TEX51: variants seen among roughly 807,000 people sequenced by gnomAD.
TEX51 encodes testis expressed 51.
In TEX51, 14 loss-of-function variants were observed where a neutral mutation model predicts 8.0. The observed-to-expected ratio is 1.76, with a 90% CI of 1.16 to 2.75. The LOEUF (loss-of-function observed/expected upper bound fraction) is 2.75, where lower values mean the gene tolerates loss of function less well. Ranked by LOEUF, TEX51 falls within the 30% of genes most tolerant of loss-of-function variation. TEX51 has a pLI of 0.00. For synonymous variants in TEX51, 58 were observed against 28.6 expected (o/e 2.03, Z -3.29); for missense variants, 142 against 77.4 (o/e 1.83, Z -3.13).
At chr2:126,900,874 C>G (rs1335097974) in intron 4 of TEX51, among the ~76,000 whole-genome samples, 1 of 152,206 alleles carries the variant, frequency 6.6e-6, no homozygotes, top group African/African-American at 2.4e-5. Context: ...GCCGGGGACA[C>G]AGCCTTGCCC....
intron 3 of TEX51, 65 bp from the exon 4 acceptor site, chr2:126,899,871 C>T: frequency 1.4e-6 from 1 of 702,244 alleles, no homozygotes; most frequent in Non-Finnish European, 2.6e-6. Context: ...TGCATGGGGA[C>T]TGGGCCTGGG....
At chr2:126,901,443 C>T in intron 6 of TEX51, 39 bp downstream of exon 6, 3 of 701,882 alleles carry the variant, frequency 4.3e-6, no homozygotes, top group Admixed American at 2.0e-5. Flanking sequence ...TCTAGGGCTC[C>T]CAGAGGGAAA....
rs1680174234 is a variant in TEX51, at chr2:126,899,071, C to T, written c.145+8C>T. 1.4e-6 allele frequency: 1 copy of T among 702,168 alleles called. No individual in the cohort carries two copies. The highest frequency in any genetic ancestry group is 2.0e-5 in the Admixed American group (1 of 49,990). The allele number at this position is 702,168 out of a possible 1,614,324, so 43.5% of individuals were successfully genotyped here. A position where few individuals can be genotyped will look rare whatever the true frequency, so the allele number is the denominator to read the frequency against. On this transcript the variant is annotated splice_region_variant and intron_variant, in intron 1 of 6. Transcript: ENST00000568484. The stretch of plus-strand genomic sequence containing the variant: ...CCACAGAACTTTCTCAAAGTATTCA[C>T]TCCTTGTTCCTAGAGGATAATAATT...
intron 5 of TEX51, 22 bp downstream of exon 5, chr2:126,901,300 G>A (rs1441493932): frequency 4.3e-6 from 3 of 700,924 alleles, no homozygotes; most frequent in African/African-American, 1.7e-5. Context: ...ACCTCTCCAA[G>A]CCCCAGCATC....
chr2:126,900,678 C>A (rs572091515), intron 4 of TEX51, among the ~76,000 whole-genome samples: 2 of 152,282 alleles, frequency 1.3e-5, no homozygotes, highest in East Asian at 3.9e-4. Flanking sequence ...CCTGTCCCTC[C>A]AGGCCACATC....
At position 126,900,457 on chromosome 2, in the gene TEX51, C is replaced by A. The variant is rs554104896; in HGVS notation, c.394+438C>A. ...AAAATGCCCAATCCCATCAAACCCC[C>A]AAACCTGTTCTTCCTCCAGGGCCGT... On this transcript the variant is annotated intron_variant, in intron 4 of 6. Coordinates refer to ENST00000568484, the MANE Select transcript of TEX51 (RefSeq NM_001322244.2). 1.5e-4 allele frequency among the ~76,000 whole-genome samples: 23 copies of A among 151,960 alleles called. No homozygotes were observed. The South Asian group carries it at 4.4e-3, about 29-fold the overall frequency.
chr2:126,900,384 A>T (rs1363332240), intron 4 of TEX51, among the ~76,000 whole-genome samples: 2 of 148,950 alleles, frequency 1.3e-5, no homozygotes, highest in African/African-American at 5.0e-5. Flanking sequence ...ACAGAGCAAG[A>T]CTCTGTTTCA....
chr2:126,899,153 G>A, intron 1 of TEX51, 64 bp from the exon 2 acceptor site: 1 of 702,090 alleles, frequency 1.4e-6, no homozygotes, highest in South Asian at 1.5e-5. Context: ...ATTGGATGTG[G>A]CCTCTTTACC....
chr2:126,900,515 C>T (rs1407417920), intron 4 of TEX51, among the ~76,000 whole-genome samples: 1 of 152,144 alleles, frequency 6.6e-6, no homozygotes, highest in Non-Finnish European at 1.5e-5. Context: ...AGCCCTCAGT[C>T]TCCTAAACCA....
At chr2:126,901,118 G>A (rs10167924) in intron 4 of TEX51, 92 bp from the exon 5 acceptor site, 30,506 of 596,582 alleles carry the variant, frequency 0.051, 1,198 homozygotes, top group African/African-American at 0.13. Flanking sequence ...ATGAGTGAAC[G>A]AATCAAAGAA....
At chr2:126,900,902 T>C (rs549147816) in intron 4 of TEX51, among the ~76,000 whole-genome samples, 44 of 152,250 alleles carry the variant, frequency 2.9e-4, no homozygotes, top group Non-Finnish European at 5.6e-4. Flanking sequence ...GATCCCTTAT[T>C]TGTGTTTCCA....
At position 126,901,277 on chromosome 2, in the gene TEX51, AG is replaced by A. The variant is rs1680315233; in HGVS notation, c.463+1del. The A allele has an allele frequency of 1.6e-5, 11 of 699,410 alleles. No individual in the cohort carries two copies. Among genetic ancestry groups the A allele is most frequent in the Non-Finnish European group, 2.3e-5 (9 of 383,042 alleles). 43.3% of individuals were successfully genotyped at this position (699,410 alleles called of 1,614,324 possible). A position where few individuals can be genotyped will look rare whatever the true frequency, so the allele number is the denominator to read the frequency against. The part of the protein sequence containing the change: ...SSALLLAIAG[D>X]VSFTGKGRRR... ...GTGCTCTACTCCTGGCCATAGCTGG[AG>A]GTGGGTGAGTGACCTCTCCAAGCCC... On this transcript the variant is annotated frameshift_variant and splice_region_variant, in exon 5 of 7. Transcript: ENST00000568484. LOFTEE classifies it high-confidence loss of function.
rs1382442605 is a variant in TEX51, at chr2:126,901,546, G to A, written c.*2+142G>A. 8.1e-6 allele frequency: 5 copies of A among 617,368 alleles called. No individual in the cohort carries two copies. In the East Asian group the frequency reaches 1.4e-4, roughly 17 times the overall value. 38.2% of individuals were successfully genotyped at this position (617,368 alleles called of 1,614,324 possible). A position where few individuals can be genotyped will look rare whatever the true frequency, so the allele number is the denominator to read the frequency against. ...AGAACAGAGTGGGATCGAGGGCCAG[G>A]ACTCTCAGGAGTGCCACTCATCAGC... On this transcript the variant is annotated intron_variant, in intron 6 of 6. Transcript: ENST00000568484.
rs1573446984 is a variant in TEX51 at position 126,899,446 on chromosome 2, T to C, written c.221-77T>C. 8.8e-6 allele frequency: 6 copies of C among 679,184 alleles called. No homozygotes were observed. The Admixed American group carries it at 1.0e-4, about 12-fold the overall frequency. 42.1% of individuals were successfully genotyped at this position (679,184 alleles called of 1,614,324 possible). A position where few individuals can be genotyped will look rare whatever the true frequency, so the allele number is the denominator to read the frequency against. On this transcript the variant is annotated intron_variant, in intron 2 of 6. Transcript: ENST00000568484. Reference sequence around the variant, plus strand: ...CTCCGTGTGCTCTTTGGAACTTCCATGTAGAAACAAGGGTCTGAAAACCCA... The same window carrying C: ...CTCCGTGTGCTCTTTGGAACTTCCACGTAGAAACAAGGGTCTGAAAACCCA...
chr2:126,900,413 AAAAAAGAAAAG>A (rs1428780363), intron 4 of TEX51, among the ~76,000 whole-genome samples: 2 of 151,706 alleles, frequency 1.3e-5, no homozygotes, highest in Non-Finnish European at 2.9e-5. Flanking sequence ...AAAAAGAAAG[AAAAAAGAAAAG>A]AAAAAGAAAA....
At position 126,898,891 on chromosome 2, in the gene TEX51, C is replaced by A. The variant is rs1453830906; in HGVS notation, c.-28C>A. 3 of 690,430 alleles carry A rather than the reference C, an allele frequency of 4.3e-6. No homozygotes were observed. Among genetic ancestry groups the A allele is most frequent in the East Asian group, 2.7e-5 (1 of 37,022 alleles). The allele number at this position is 690,430 out of a possible 1,614,324, so 42.8% of individuals were successfully genotyped here. ...CCACGTGGAACTTCCAGGCAGGGCA[C>A]TGGGGCACAGTAGGAGGAACCCAGA... On this transcript the variant is annotated 5_prime_UTR_variant, in exon 1 of 7. In the 5' UTR this introduces an upstream ATG that the reference lacks. Coordinates refer to ENST00000568484, the MANE Select transcript of TEX51 (RefSeq NM_001322244.2).
chr2:126,899,991 C>T lies in TEX51; in HGVS notation c.366C>T (p.Leu122=), dbSNP rs1140774. The change falls in exon 4 of 7, where the codon CTC becomes CTT. Residue 122 remains leucine, a synonymous_variant. Coordinates refer to ENST00000568484, the MANE Select transcript of TEX51 (RefSeq NM_001322244.2). ...GTGCTGACTGCAGGACTCACTTCCT[C>T]TCCTGCAATGACCCCACTTTCTGCC... ...TSCADCRTHF[L]SCNDPTFCPA... 3 of 701,254 alleles carry T rather than the reference C, an allele frequency of 4.3e-6. No homozygotes were observed. Among genetic ancestry groups the T allele is most frequent in the East Asian group, 2.7e-5 (1 of 37,280 alleles). 43.4% of individuals were successfully genotyped at this position (701,254 alleles called of 1,614,324 possible).
chr2:126,901,850 C>T (rs1217673914), intron 6 of TEX51, 22 bp from the exon 7 acceptor site: 7 of 591,922 alleles, frequency 1.2e-5, no homozygotes, highest in Non-Finnish European at 2.1e-5. Flanking sequence ...GTAGAAATGC[C>T]CAGCTTCTTC....
rs1286997084 is a variant in TEX51 at position 126,899,752 on chromosome 2, T to A, written c.310+140T>A. On this transcript the variant is annotated intron_variant, in intron 3 of 6. Coordinates refer to ENST00000568484, the MANE Select transcript of TEX51 (RefSeq NM_001322244.2). ...CTCCATGAATGCCTTCCCGGCTCCA[T>A]CTCCTACTTGCACCCCAGAACCCCT... 4 of 701,352 alleles carry A rather than the reference T, an allele frequency of 5.7e-6. No homozygotes were observed. The East Asian group carries it at 1.1e-4, about 19-fold the overall frequency. The allele number at this position is 701,352 out of a possible 1,614,324, so 43.4% of individuals were successfully genotyped here.
Sources: gnomAD v4.1 joint callset for allele counts (sites outside exome capture counted in the v4.1 genomes callset) on GRCh38, gnomAD v4.1.1 for gene constraint, MANE v1.5 for transcripts, NCBI Gene and HGNC (gene_info 2026-07-23, HGNC 2026-07-21) for gene names.